The following CDH4 variants were observed in gnomAD, a reference collection of about 807,000 sequenced individuals.
The protein encoded by CDH4 is cadherin 4, also known as cadherin-4.
CDH4 carries 33 observed loss-of-function variants against 86.0 expected under a neutral mutation model. The observed-to-expected ratio is 0.38, with a 90% confidence interval of 0.29 to 0.51. The LOEUF (loss-of-function observed/expected upper bound fraction) is 0.51, where lower values mean the gene tolerates loss of function less well. Ranked by LOEUF, CDH4 falls within the 20% of genes least tolerant of loss-of-function variation. The probability of loss-of-function intolerance (pLI) is 0.86; values close to 1 mark genes in which losing one functional copy is unlikely to be tolerated. For synonymous variants in CDH4, 555 were observed against 549.4 expected (o/e 1.01, Z -0.14); for missense variants, 1,114 against 1,307.4 (o/e 0.85, Z 2.28).
rs143345425 is a variant in CDH4, at chr20:61,592,925, G to T, written c.170-150638G>T. Among the ~76,000 whole-genome samples, 3 of 152,220 alleles carry T rather than the reference G, an allele frequency of 2.0e-5. No homozygotes were observed. In the East Asian group the frequency reaches 5.8e-4, roughly 29 times the overall value. ...GATGTGGCAAAGGGACTTCGTGGGGGTGACGAAGTTTAGGACCTTGAAATG... is the reference window on the plus strand; with the variant it reads ...GATGTGGCAAAGGGACTTCGTGGGGTTGACGAAGTTTAGGACCTTGAAATG... On this transcript the variant is annotated intron_variant, in intron 2 of 15. Coordinates refer to ENST00000614565, the MANE Select transcript of CDH4 (RefSeq NM_001794.5).
intron 2 of CDH4, among the ~76,000 whole-genome samples, chr20:61,376,737 C>A (rs1037118109): frequency 1.3e-5 from 2 of 152,226 alleles, no homozygotes; most frequent in Non-Finnish European, 2.9e-5. Flanking sequence ...CACAGACCCC[C>A]AGGCAAGCCC....
At chr20:61,658,419 G>T (rs4399792) in intron 2 of CDH4, among the ~76,000 whole-genome samples, 54,186 of 152,108 alleles carry the variant, frequency 0.36, 10,324 homozygotes, top group Non-Finnish European at 0.44. Context: ...TTCCCTCTGA[G>T]CTCGCAGGTG....
chr20:61,918,900 T>C (rs2054935956), intron 9 of CDH4, among the ~76,000 whole-genome samples: 2 of 152,200 alleles, frequency 1.3e-5, no homozygotes, highest in Admixed American at 6.5e-5. Context: ...AGACGAGGTC[T>C]TACTCTGTTG....
chr20:61,266,497 T>C (rs1330483129), intron 2 of CDH4, among the ~76,000 whole-genome samples: 3 of 151,984 alleles, frequency 2.0e-5, no homozygotes, highest in Non-Finnish European at 4.4e-5. Flanking sequence ...TCTATATTGA[T>C]GTGCCTAGAA....
At chr20:61,720,277 ACCTCCTGGCCCCC>A (rs1195916372) in intron 2 of CDH4, among the ~76,000 whole-genome samples, 1 of 151,984 alleles carries the variant, frequency 6.6e-6, no homozygotes, top group Non-Finnish European at 1.5e-5. Flanking sequence ...TATGGGCCGC[ACCTCCTGGCCCCC>A]CATCCTGCTC....
At chr20:61,701,580 G>T (rs141323287) in intron 2 of CDH4, among the ~76,000 whole-genome samples, 3 of 152,230 alleles carry the variant, frequency 2.0e-5, no homozygotes, top group Non-Finnish European at 1.5e-5. Context: ...TGGGAGTGGC[G>T]TGTGCCATGG....
rs2055207486 is a variant in CDH4 at position 61,937,335 on chromosome 20, C to T, written c.*392C>T. On this transcript the variant is annotated 3_prime_UTR_variant, in exon 16 of 16. Transcript: ENST00000614565. ...AGTGTCTAAAGCAGACAGACCGTCCCCACCTTCCCATCCCGAGCGGCCTCC... is the reference window on the plus strand; with the variant it reads ...AGTGTCTAAAGCAGACAGACCGTCCTCACCTTCCCATCCCGAGCGGCCTCC... The T allele has an allele frequency of 6.2e-6, 1 of 160,800 alleles. No individual in the cohort carries two copies. Among genetic ancestry groups the T allele is most frequent in the African/African-American group, 2.4e-5 (1 of 41,792 alleles). The allele number at this position is 160,800 out of a possible 1,614,324, so 10.0% of individuals were successfully genotyped here. A position where few individuals can be genotyped will look rare whatever the true frequency, so the allele number is the denominator to read the frequency against.
chr20:61,909,577 AC>A (rs1466470338), intron 8 of CDH4, among the ~76,000 whole-genome samples: 2 of 151,924 alleles, frequency 1.3e-5, no homozygotes, highest in African/African-American at 4.8e-5. Flanking sequence ...TCTGCTGGCC[AC>A]CCTGGTGTTC....
chr20:61,757,262 C>T (rs73152152), intron 3 of CDH4, among the ~76,000 whole-genome samples: 4,294 of 152,188 alleles, frequency 0.028, 94 homozygotes, highest in Non-Finnish European at 0.042. Flanking sequence ...CCAGGGGGCT[C>T]GAGTTTCGGG....
At chr20:61,483,403 T>C (rs2085578514) in intron 2 of CDH4, among the ~76,000 whole-genome samples, 1 of 152,136 alleles carries the variant, frequency 6.6e-6, no homozygotes, top group Non-Finnish European at 1.5e-5. Context: ...CTCCCTTGAG[T>C]TCAGTCCTCA....
rs1445583971 is a variant in CDH4 at position 61,928,271 on chromosome 20, A to G, written c.1853A>G (p.Lys618Arg). Reference protein sequence around the residue: ...INDNAPELLPKEAQICEKPNL... With the variant: ...INDNAPELLPREAQICEKPNL... ...GACAACGCCCCTGAGCTGCTGCCCAAGGAGGCGCAGATCTGCGAGAAGCCC... is the reference window on the plus strand; with the variant it reads ...GACAACGCCCCTGAGCTGCTGCCCAGGGAGGCGCAGATCTGCGAGAAGCCC... Residue 618 changes from lysine to arginine, a missense_variant, in exon 12 of 16, where the codon AAG (lysine) becomes AGG (arginine). Lys to Arg is a conservative substitution (Grantham distance 26). This residue lies in a region of CDH4 where 705 missense variants were observed against 914.1 expected (regional missense o/e 0.77). Transcript: ENST00000614565. The G allele has an allele frequency of 6.2e-7, 1 of 1,609,472 alleles. No homozygotes were observed. Among genetic ancestry groups the G allele is most frequent in the South Asian group, 1.1e-5 (1 of 91,088 alleles).
chr20:61,582,993 C>G lies in CDH4; in HGVS notation c.170-160570C>G, dbSNP rs1477088486. Among the ~76,000 whole-genome samples, 1 of 152,006 alleles carries G rather than the reference C, an allele frequency of 6.6e-6. No individual in the cohort carries two copies. The highest frequency in any genetic ancestry group is 1.5e-5 in the Non-Finnish European group (1 of 68,020). The stretch of plus-strand genomic sequence containing the variant: ...ATCTACTTTCTGTCTCTGTCGACTT[C>G]CCTGTTCTGGGCACTGCGCATGAGA... On this transcript the variant is annotated intron_variant, in intron 2 of 15. Coordinates refer to ENST00000614565, the MANE Select transcript of CDH4 (RefSeq NM_001794.5). The surrounding 1 kb of genome is among the most constrained non-coding windows in gnomAD (Gnocchi z 4.2).
Position 61,864,557 on chromosome 20 carries a change from C to T in CDH4, c.878-9171C>T, listed in dbSNP as rs535228257. Reference sequence around the variant, plus strand: ...GTCTGCTGATCCCAGGATCCTGGAGCGGCCACTGTGGCTCAGGGACTCCAG... The same window carrying T: ...GTCTGCTGATCCCAGGATCCTGGAGTGGCCACTGTGGCTCAGGGACTCCAG... On this transcript the variant is annotated intron_variant, in intron 6 of 15. Coordinates refer to ENST00000614565, the MANE Select transcript of CDH4 (RefSeq NM_001794.5). Among the ~76,000 whole-genome samples, 107 of 152,276 alleles carry T rather than the reference C, an allele frequency of 7.0e-4. 1 individual carries two copies. The highest frequency in any genetic ancestry group is 5.0e-3 in the South Asian group (24 of 4,818).
At chr20:61,302,095 T>G (rs2123206019) in intron 2 of CDH4, among the ~76,000 whole-genome samples, 1 of 152,348 alleles carries the variant, frequency 6.6e-6, no homozygotes, top group Admixed American at 6.5e-5. Flanking sequence ...CAGATCCGAC[T>G]GACAAAGTAA....
At chr20:61,439,342 C>T (rs2085302732) in intron 2 of CDH4, among the ~76,000 whole-genome samples, 1 of 152,276 alleles carries the variant, frequency 6.6e-6, no homozygotes, top group Admixed American at 6.5e-5. Context: ...AACAGCTGCT[C>T]CGTGGCTCTG....
chr20:61,316,468 A>AC (rs1288778931), intron 2 of CDH4, among the ~76,000 whole-genome samples: 1 of 152,196 alleles, frequency 6.6e-6, no homozygotes, highest in Non-Finnish European at 1.5e-5. Flanking sequence ...GACGGAACAA[A>AC]CCTTTGGCTG....
At chr20:61,331,254 G>C (rs1002674427) in intron 2 of CDH4, among the ~76,000 whole-genome samples, 1 of 151,978 alleles carries the variant, frequency 6.6e-6, no homozygotes, top group Non-Finnish European at 1.5e-5. Flanking sequence ...CCTGGGATGA[G>C]GCCCTCCCTC....
intron 2 of CDH4, among the ~76,000 whole-genome samples, chr20:61,536,443 G>A (rs1421108772): frequency 1.3e-5 from 2 of 151,994 alleles, no homozygotes; most frequent in Admixed American, 1.3e-4. Context: ...TACTAAGGAG[G>A]GAAAGAGGAA....
At chr20:61,887,199 G>A (rs1001987459) in intron 7 of CDH4, among the ~76,000 whole-genome samples, 1 of 152,146 alleles carries the variant, frequency 6.6e-6, no homozygotes, top group Non-Finnish European at 1.5e-5. Context: ...GTGCTCCCAG[G>A]GGAGCCAGGC....
Sources: allele counts gnomAD v4.1 joint callset (sites outside exome capture counted in the v4.1 genomes callset), GRCh38; gene constraint gnomAD v4.1.1; regional missense constraint gnomAD v4.1.1; non-coding constraint Gnocchi (gnomAD v3.1); transcripts MANE v1.5; gene names NCBI Gene and HGNC (gene_info 2026-07-23, HGNC 2026-07-21).